BMPR1B: variants seen among roughly 807,000 people sequenced by gnomAD.
The protein encoded by BMPR1B is bone morphogenetic protein receptor type 1B.
BMPR1B carries 12 observed loss-of-function variants against 59.1 expected under a neutral mutation model. The observed-to-expected ratio is 0.20, with a 90% confidence interval of 0.13 to 0.33. The LOEUF (loss-of-function observed/expected upper bound fraction) is 0.33, where lower values mean the gene tolerates loss of function less well. Among genes scored for constraint, BMPR1B ranks in the 10% least tolerant of loss-of-function variants. The probability of loss-of-function intolerance (pLI) is 1.00; values close to 1 mark genes in which losing one functional copy is unlikely to be tolerated. For missense variants in BMPR1B, 550 were observed against 610.9 expected (o/e 0.90, Z 1.05); for synonymous variants, 237 against 207.3 (o/e 1.14, Z -1.23).
chr4:95,107,355 T>C (rs959137025), intron 4 of BMPR1B, among the ~76,000 whole-genome samples: 1 of 152,036 alleles, frequency 6.6e-6, no homozygotes, highest in African/African-American at 2.4e-5. Flanking sequence ...TTTAGAGATA[T>C]TTAATGTAGT....
intron 2 of BMPR1B, among the ~76,000 whole-genome samples, chr4:94,887,403 C>CAAAAAAAAAAAAAAAAAAAAAA (rs57818132): frequency 5.5e-5 from 3 of 54,810 alleles, no homozygotes; most frequent in Non-Finnish European, 1.0e-4. Flanking sequence ...CACCCCCCAC[C>CAAAAAAAAAAAAAAAAAAAAAA]AAAAAAAAAA....
intron 2 of BMPR1B, among the ~76,000 whole-genome samples, chr4:94,966,995 T>G (rs1159858058): frequency 6.6e-6 from 1 of 152,194 alleles, no homozygotes; most frequent in African/African-American, 2.4e-5. Flanking sequence ...AACAATTATT[T>G]TACCTTGGAG....
chr4:94,921,801 A>G (rs1013212189), intron 2 of BMPR1B, among the ~76,000 whole-genome samples: 8 of 152,098 alleles, frequency 5.3e-5, no homozygotes, highest in African/African-American at 1.9e-4. Context: ...GAAATGACAT[A>G]TTGATATTTT....
At chr4:94,915,980 C>T (rs897871474) in intron 2 of BMPR1B, among the ~76,000 whole-genome samples, 8 of 152,152 alleles carry the variant, frequency 5.3e-5, no homozygotes, top group African/African-American at 1.2e-4. Context: ...ACTTTTGCCA[C>T]GTGACATGCT....
At chr4:94,939,374 T>C (rs955441120) in intron 2 of BMPR1B, among the ~76,000 whole-genome samples, 1 of 152,208 alleles carries the variant, frequency 6.6e-6, no homozygotes, top group Non-Finnish European at 1.5e-5. Context: ...CAATAATCTT[T>C]AATATAAAAT....
rs1189847718 is a variant in BMPR1B at position 94,793,912 on chromosome 4, A to C, written c.-183+35844A>C. Among the ~76,000 whole-genome samples, 14 of 149,534 alleles carry C rather than the reference A, an allele frequency of 9.4e-5. No individual in the cohort carries two copies. In the South Asian group the frequency reaches 1.9e-3, roughly 20 times the overall value. ...TGTTTGAGTTCATTGTAGATTCTGGATATTAGCCCTTTGTCAGATGAGTAG... is the reference window on the plus strand; with the variant it reads ...TGTTTGAGTTCATTGTAGATTCTGGCTATTAGCCCTTTGTCAGATGAGTAG... On this transcript the variant is annotated intron_variant, in intron 1 of 12. Coordinates refer to ENST00000515059, the MANE Select transcript of BMPR1B (RefSeq NM_001203.3).
At chr4:95,139,728 C>T (rs2082656) in intron 10 of BMPR1B, among the ~76,000 whole-genome samples, 15,558 of 151,840 alleles carry the variant, frequency 0.1, 1,931 homozygotes, top group African/African-American at 0.3. Context: ...GTGGGACCCT[C>T]GGAGCCATGC....
At chr4:95,147,023 G>A (rs1734699748) in intron 10 of BMPR1B, among the ~76,000 whole-genome samples, 1 of 152,112 alleles carries the variant, frequency 6.6e-6, no homozygotes, top group South Asian at 2.1e-4. Flanking sequence ...CCAGAACACT[G>A]GGACCTATGT....
chr4:94,900,009 C>T (rs1727744679), intron 2 of BMPR1B, among the ~76,000 whole-genome samples: 2 of 151,824 alleles, frequency 1.3e-5, no homozygotes, highest in South Asian at 4.2e-4. Flanking sequence ...AGATTTGCAG[C>T]AAGAGAGAGG....
intron 1 of BMPR1B, among the ~76,000 whole-genome samples, chr4:94,776,226 A>G (rs964649247): frequency 6.6e-6 from 1 of 152,134 alleles, no homozygotes. Flanking sequence ...AAGTTATTTT[A>G]AAAATCACTC....
chr4:94,907,860 T>C (rs1342494561), intron 2 of BMPR1B, among the ~76,000 whole-genome samples: 1 of 151,310 alleles, frequency 6.6e-6, no homozygotes, highest in Non-Finnish European at 1.5e-5. Context: ...AATATGAATG[T>C]ACATGTCTGA....
chr4:95,051,374 A>G (rs991798750), intron 3 of BMPR1B, among the ~76,000 whole-genome samples: 1 of 152,160 alleles, frequency 6.6e-6, no homozygotes, highest in African/African-American at 2.4e-5. Flanking sequence ...TTTGGGGGAC[A>G]TGGGTATTGC....
At chr4:94,892,037 G>A (rs961943244) in intron 2 of BMPR1B, among the ~76,000 whole-genome samples, 2 of 152,044 alleles carry the variant, frequency 1.3e-5, no homozygotes, top group African/African-American at 4.8e-5. Flanking sequence ...TTCATTAAGA[G>A]TGGTCCTTTT....
At chr4:94,994,871 G>A (rs1721963168) in intron 2 of BMPR1B, among the ~76,000 whole-genome samples, 1 of 152,178 alleles carries the variant, frequency 6.6e-6, no homozygotes, top group African/African-American at 2.4e-5. Flanking sequence ...ATTACTGTAA[G>A]TAATCAGGCA....
chr4:95,127,673 C>T (rs892230148), intron 8 of BMPR1B, among the ~76,000 whole-genome samples: 14 of 152,006 alleles, frequency 9.2e-5, no homozygotes, highest in Non-Finnish European at 1.8e-4. Flanking sequence ...AAATGGAGTA[C>T]AGTGGACTCA....
chr4:95,121,930 T>G (rs1215497762), intron 6 of BMPR1B, among the ~76,000 whole-genome samples: 1 of 152,238 alleles, frequency 6.6e-6, no homozygotes, highest in Non-Finnish European at 1.5e-5. Context: ...GAGTGTTTAT[T>G]ACAGAATTGT....
Position 95,131,493 on chromosome 4 carries a change from C to T in BMPR1B, c.1057C>T (p.Leu353=). The T allele has an allele frequency of 6.2e-7, 1 of 1,614,036 alleles. No individual in the cohort carries two copies. The highest frequency in any genetic ancestry group is 8.5e-7 in the Non-Finnish European group (1 of 1,179,974). The change falls in exon 10 of 13, where the codon CTG becomes TTG. Residue 353 remains leucine, a synonymous_variant. Coordinates refer to ENST00000515059, the MANE Select transcript of BMPR1B (RefSeq NM_001203.3). ...AACTTGCTGTATTGCTGACCTGGGCCTGGCTGTTAAATTTATTAGGTTAGT... is the reference window on the plus strand; with the variant it reads ...AACTTGCTGTATTGCTGACCTGGGCTTGGCTGTTAAATTTATTAGGTTAGT... ...NGTCCIADLG[L]AVKFISDTNE... is the part of the protein sequence containing the mutation.
At chr4:95,130,723 C>CTTTTTTTTTTTTTTT (rs148720302) in intron 9 of BMPR1B, among the ~76,000 whole-genome samples, 55 of 77,926 alleles carry the variant, frequency 7.1e-4, no homozygotes, top group East Asian at 1.3e-3. Flanking sequence ...CTTTTCTTTT[C>CTTTTTTTTTTTTTTT]TTTTTTTTTT....
intron 12 of BMPR1B, among the ~76,000 whole-genome samples, chr4:95,153,798 C>G (rs190986029): frequency 4.2e-4 from 64 of 152,256 alleles, no homozygotes; most frequent in African/African-American, 1.3e-3. Context: ...TGCAATGAGC[C>G]AGGATCATGA....
Sources: gnomAD v4.1 joint callset for allele counts (sites outside exome capture counted in the v4.1 genomes callset) on GRCh38, gnomAD v4.1.1 for gene constraint, MANE v1.5 for transcripts, NCBI Gene and HGNC (gene_info 2026-07-23, HGNC 2026-07-21) for gene names.